Variants in FLYWCH2 observed in about 807,000 individuals in gnomAD.
The protein encoded by FLYWCH2 is FLYWCH family member 2.
In FLYWCH2, 2 loss-of-function variants were observed where a neutral mutation model predicts 6.0. The ratio of observed to expected loss-of-function variants is 0.33; its 90% CI spans 0.14 to 1.04. The LOEUF is 1.04. Ranked by LOEUF, FLYWCH2 falls within the 50% of genes least tolerant of loss-of-function variation. The pLI, the probability that FLYWCH2 is intolerant of heterozygous loss-of-function variation, is 0.45. For missense variants in FLYWCH2, 192 were observed against 183.4 expected, an observed-to-expected ratio of 1.05 and a Z score of -0.27; for synonymous variants, 87 against 79.3, an observed-to-expected ratio of 1.10 and a Z score of -0.52.
chr16:2,887,967 C>G (rs1036213043), intron 1 of FLYWCH2, among the ~76,000 whole-genome samples: 1 of 151,262 alleles, frequency 6.6e-6, no homozygotes, highest in Non-Finnish European at 1.5e-5. Context: ...TCTGGACTCT[C>G]AGTTCTATTC....
At chr16:2,883,469 AGG>A (rs2069663294) in intron 1 of FLYWCH2, 103 bp downstream of exon 1, 1 of 152,072 alleles carries the variant, frequency 6.6e-6, no homozygotes, top group African/African-American at 2.4e-5. Context: ...GGTGCTGAGG[AGG>A]GGTCCGCGTC....
Position 2,883,321 on chromosome 16 carries a change from C to G in FLYWCH2, c.-245C>G, listed in dbSNP as rs1444357926. On this transcript the variant is annotated 5_prime_UTR_variant, in exon 1 of 4. Transcript: ENST00000396958. ...GGCCCTTGGCGCGGAGGCTGAGGGACCCGCCGCGGCGCTGTCGCCGGAGAG... is the reference window on the plus strand; with the variant it reads ...GGCCCTTGGCGCGGAGGCTGAGGGAGCCGCCGCGGCGCTGTCGCCGGAGAG... The G allele has an allele frequency of 2.0e-5, 3 of 152,356 alleles. No individual in the cohort carries two copies. Among genetic ancestry groups the G allele is most frequent in the African/African-American group, 7.2e-5 (3 of 41,468 alleles). 9.4% of individuals were successfully genotyped at this position (152,356 alleles called of 1,614,324 possible).
chr16:2,890,889 C>T (rs1470602188), intron 1 of FLYWCH2, among the ~76,000 whole-genome samples: 2 of 152,128 alleles, frequency 1.3e-5, no homozygotes, highest in Non-Finnish European at 2.9e-5. Flanking sequence ...TTTGGAAATG[C>T]ACTAAGCCCA....
At position 2,898,879 on chromosome 16, in the gene FLYWCH2, C is replaced by T. The variant is rs577053641; in HGVS notation, c.323-170C>T. On this transcript the variant is annotated intron_variant, in intron 3 of 3. Transcript: ENST00000396958. ...AGCTTTTGTGGCCCTGGCCTGGTGG[C>T]CTTGGGAGCAGCGTCCCTGAGTGGC... The T allele has an allele frequency of 7.1e-5, 36 of 505,160 alleles. No homozygotes were observed. The South Asian group carries it at 1.1e-3, about 15-fold the overall frequency. 31.3% of individuals were successfully genotyped at this position (505,160 alleles called of 1,614,324 possible).
intron 1 of FLYWCH2, among the ~76,000 whole-genome samples, chr16:2,889,293 C>G (rs1436681654): frequency 3.3e-5 from 5 of 150,044 alleles, no homozygotes; most frequent in African/African-American, 1.2e-4. Context: ...TCACTGCAAG[C>G]TCTGCCTCCC....
rs2150853185 is a variant in FLYWCH2 at position 2,899,151 on chromosome 16, C to T, written c.*2C>T. 1 of 1,611,618 alleles carries T rather than the reference C, an allele frequency of 6.2e-7. No individual in the cohort carries two copies. The highest frequency in any genetic ancestry group is 8.5e-7 in the Non-Finnish European group (1 of 1,178,800). On this transcript the variant is annotated 3_prime_UTR_variant, in exon 4 of 4. Coordinates refer to ENST00000396958, the MANE Select transcript of FLYWCH2 (RefSeq NM_138439.3). Reference sequence around the variant, plus strand: ...GTGGCGCCCGGCAAGTCCCTGTAACCTTGACAACAGGCGCATCCTCCCAGG... The same window carrying T: ...GTGGCGCCCGGCAAGTCCCTGTAACTTTGACAACAGGCGCATCCTCCCAGG...
chr16:2,884,598 G>C (rs1010540928), intron 1 of FLYWCH2, among the ~76,000 whole-genome samples: 1 of 119,086 alleles, frequency 8.4e-6, no homozygotes, highest in Non-Finnish European at 1.8e-5. Flanking sequence ...AGTCGGGGCC[G>C]GCGCGGTGGC....
chr16:2,888,306 G>A (rs1176751164), intron 1 of FLYWCH2, among the ~76,000 whole-genome samples: 1 of 151,874 alleles, frequency 6.6e-6, no homozygotes, highest in Non-Finnish European at 1.5e-5. Context: ...CACTGTGCCC[G>A]GCCTGTGTCG....
chr16:2,890,214 G>T (rs1488917997), intron 1 of FLYWCH2, among the ~76,000 whole-genome samples: 1 of 132,844 alleles, frequency 7.5e-6, no homozygotes, highest in East Asian at 2.0e-4. Context: ...GCGTGTGTGT[G>T]TTTTTTTGTT....
chr16:2,896,576 G>C lies in FLYWCH2; in HGVS notation c.127G>C (p.Val43Leu), dbSNP rs1458484426. 2 of 1,614,186 alleles carry C rather than the reference G, an allele frequency of 1.2e-6. No individual in the cohort carries two copies. The highest frequency in any genetic ancestry group is 1.7e-6 in the Non-Finnish European group (2 of 1,180,026). Reference sequence around the variant, plus strand: ...GAAGCCCAGAAAGTTCTCCAAACTGGTCCTGCTCACAGCCTCCAAAGACAG... The same window carrying C: ...GAAGCCCAGAAAGTTCTCCAAACTGCTCCTGCTCACAGCCTCCAAAGACAG... ...PRKPRKFSKL[V>L]LLTASKDSTK... is the part of the protein sequence containing the mutation. The change falls in exon 3 of 4, where the codon GTC becomes CTC. Residue 43 changes from valine (V) to leucine (L), a missense_variant. Transcript: ENST00000396958.
chr16:2,896,991 C>T (rs943180546), intron 3 of FLYWCH2: 2 of 595,618 alleles, frequency 3.4e-6, no homozygotes, highest in Non-Finnish European at 5.9e-6. Flanking sequence ...TGTGTCTGTT[C>T]CCCACTCTGG....
intron 3 of FLYWCH2, among the ~76,000 whole-genome samples, chr16:2,897,862 G>A (rs1430527431): frequency 6.6e-6 from 1 of 152,222 alleles, no homozygotes; most frequent in African/African-American, 2.4e-5. Context: ...CAGTGGGTGG[G>A]AAGAAGGTGA....
rs1004295738 is a variant in FLYWCH2 at position 2,884,573 on chromosome 16, A to T, written c.-200+1207A>T. 1.2e-4 allele frequency among the ~76,000 whole-genome samples: 17 copies of T among 146,486 alleles called. 3 individuals are homozygous for T. Among genetic ancestry groups the T allele is most frequent in the African/African-American group, 4.3e-4 (17 of 39,490 alleles). Reference sequence around the variant, plus strand: ...CCGTCTCTACTAAAAAAAAAAAAAAAAAAATACAAAAATTAGTCGGGGCCG... The same window carrying T: ...CCGTCTCTACTAAAAAAAAAAAAAATAAAATACAAAAATTAGTCGGGGCCG... On this transcript the variant is annotated intron_variant, in intron 1 of 3. Coordinates refer to ENST00000396958, the MANE Select transcript of FLYWCH2 (RefSeq NM_138439.3).
At chr16:2,896,842 C>T (rs778503079) in intron 3 of FLYWCH2, 71 bp downstream of exon 3, 1 of 1,381,820 alleles carries the variant, frequency 7.2e-7, no homozygotes, top group Non-Finnish European at 9.8e-7. Flanking sequence ...CGCGCTGGCT[C>T]CATCAGGCGC....
intron 1 of FLYWCH2, among the ~76,000 whole-genome samples, chr16:2,890,352 A>T (rs1414228325): frequency 1.4e-5 from 2 of 148,028 alleles, no homozygotes; most frequent in Non-Finnish European, 3.0e-5. Flanking sequence ...AGGTTAAAGC[A>T]GTTCTTCTGT....
intron 1 of FLYWCH2, among the ~76,000 whole-genome samples, chr16:2,885,081 G>C (rs964975359): frequency 2.0e-5 from 3 of 152,120 alleles, no homozygotes; most frequent in Non-Finnish European, 2.9e-5. Flanking sequence ...CCAGCACTTT[G>C]GGAGGCCAAG....
intron 2 of FLYWCH2, among the ~76,000 whole-genome samples, chr16:2,895,652 G>A (rs1375891396): frequency 6.6e-6 from 1 of 152,194 alleles, no homozygotes; most frequent in Non-Finnish European, 1.5e-5. Context: ...GAGCAGAGGA[G>A]CATGTGGGCC....
At chr16:2,890,908 T>C (rs1035781732) in intron 1 of FLYWCH2, among the ~76,000 whole-genome samples, 1 of 152,116 alleles carries the variant, frequency 6.6e-6, no homozygotes, top group African/African-American at 2.4e-5. Context: ...CAGCCAACAA[T>C]CAAGGGAGGG....
chr16:2,887,691 C>T (rs1244717063), intron 1 of FLYWCH2, among the ~76,000 whole-genome samples: 1 of 151,852 alleles, frequency 6.6e-6, no homozygotes, highest in African/African-American at 2.4e-5. Context: ...CCACCTCAGC[C>T]TCCCAAGTTG....
Sources: gnomAD v4.1 joint callset for allele counts (sites outside exome capture counted in the v4.1 genomes callset) on GRCh38, gnomAD v4.1.1 for gene constraint, MANE v1.5 for transcripts, NCBI Gene and HGNC (gene_info 2026-07-23, HGNC 2026-07-21) for gene names.